PLCB1: variants seen among roughly 807,000 people sequenced by gnomAD.
The protein encoded by PLCB1 is 1-phosphatidylinositol 4,5-bisphosphate phosphodiesterase beta-1.
Under a neutral mutation model 161.8 loss-of-function variants are expected in PLCB1, and 46 were observed. That is an observed-to-expected ratio of 0.28 (90% CI 0.22 to 0.36). The LOEUF is 0.36. PLCB1 is among the 10% of genes least tolerant of loss of function. PLCB1 has a pLI of 1.00. For missense variants in PLCB1, 1,016 were observed against 1,472.5 expected, an observed-to-expected ratio of 0.69 and a Z score of 5.07; for synonymous variants, 517 against 503.7, an observed-to-expected ratio of 1.03 and a Z score of -0.35.
chr20:8,255,730 A>G (rs147236063), intron 2 of PLCB1, among the ~76,000 whole-genome samples: 1 of 152,024 alleles, frequency 6.6e-6, no homozygotes, highest in Admixed American at 6.6e-5. Context: ...GTTAAATGAC[A>G]GTTTAATTTC....
chr20:8,276,121 A>G (rs1982531918), intron 2 of PLCB1, among the ~76,000 whole-genome samples: 1 of 152,218 alleles, frequency 6.6e-6, no homozygotes, highest in Non-Finnish European at 1.5e-5. Context: ...TTTTGAAAGC[A>G]AAACTTAAAA....
intron 7 of PLCB1, among the ~76,000 whole-genome samples, chr20:8,650,522 G>A (rs923266148): frequency 6.6e-6 from 1 of 152,164 alleles, no homozygotes; most frequent in African/African-American, 2.4e-5. Flanking sequence ...GCCCTGCTCT[G>A]CGGGAACAGG....
chr20:8,810,950 A>T (rs1984787635), intron 31 of PLCB1, among the ~76,000 whole-genome samples: 1 of 152,196 alleles, frequency 6.6e-6, no homozygotes, highest in South Asian at 2.1e-4. Flanking sequence ...TCTGGCCTGG[A>T]CAACAGATTG....
intron 31 of PLCB1, among the ~76,000 whole-genome samples, chr20:8,870,804 C>G (rs1987583002): frequency 1.3e-5 from 2 of 151,756 alleles, no homozygotes; most frequent in Non-Finnish European, 2.9e-5. Flanking sequence ...TTCCAGAAGT[C>G]TGAAGATATG....
chr20:8,850,061 A>G (rs1377263970), intron 31 of PLCB1, among the ~76,000 whole-genome samples: 4 of 152,238 alleles, frequency 2.6e-5, no homozygotes, highest in Admixed American at 2.0e-4. Context: ...CATGTGCTCT[A>G]AACCACTACT....
chr20:8,132,871 C>T lies in PLCB1; in HGVS notation c.99+121C>T, dbSNP rs559408932. The T allele has an allele frequency of 3.3e-4, 228 of 693,108 alleles. 1 individual carries two copies. Among genetic ancestry groups the T allele is most frequent in the Middle Eastern group, 2.6e-3 (7 of 2,680 alleles). 42.9% of individuals were successfully genotyped at this position (693,108 alleles called of 1,614,324 possible). A position where few individuals can be genotyped will look rare whatever the true frequency, so the allele number is the denominator to read the frequency against. On this transcript the variant is annotated intron_variant, in intron 1 of 31. Transcript: ENST00000338037. The surrounding 1 kb of genome is among the most constrained non-coding windows in gnomAD (Gnocchi z 5.2). ...CGCACTGGGAGCGGGCAGGGGCAGC[C>T]TCGGGCGCACAGGTTGGCATCTGCC...
At chr20:8,297,285 A>T (rs938567655) in intron 2 of PLCB1, among the ~76,000 whole-genome samples, 3 of 152,110 alleles carry the variant, frequency 2.0e-5, no homozygotes, top group African/African-American at 7.2e-5. Context: ...GATAAGATGG[A>T]CCTAGTATGC....
chr20:8,831,572 G>C (rs373703296), intron 31 of PLCB1, among the ~76,000 whole-genome samples: 2 of 152,074 alleles, frequency 1.3e-5, no homozygotes, highest in East Asian at 3.9e-4. Context: ...TTATTTTATT[G>C]TAATGTGCCT....
intron 2 of PLCB1, among the ~76,000 whole-genome samples, chr20:8,309,885 A>C (rs1042779737): frequency 2.0e-5 from 3 of 152,216 alleles, no homozygotes; most frequent in African/African-American, 4.8e-5. Flanking sequence ...GGAGTTTGCC[A>C]GAAATAAAGC....
chr20:8,619,502 A>G (rs1988121838), intron 3 of PLCB1, among the ~76,000 whole-genome samples: 2 of 152,192 alleles, frequency 1.3e-5, no homozygotes, highest in African/African-American at 4.8e-5. Flanking sequence ...CATTCTTAAA[A>G]TAAGTAATCA....
At chr20:8,763,994 G>A (rs761298204) in intron 25 of PLCB1, among the ~76,000 whole-genome samples, 23 of 151,928 alleles carry the variant, frequency 1.5e-4, no homozygotes, top group African/African-American at 4.6e-4. Context: ...GCGAAACCCC[G>A]TCTCCATAAA....
Position 8,657,218 on chromosome 20 carries a change from A to C in PLCB1, c.629A>C (p.Glu210Ala). ...ATACCTCAAGAAGATTTCACTCCAG[A>C]AGTGTACAGAGTTTTCCTCAACAAC... ...DSIPQEDFTP[E>A]VYRVFLNNLC... The change falls in exon 8 of 32, where the codon GAA (glutamate) becomes GCA (alanine). Residue 210 changes from glutamate to alanine, a missense_variant. Physicochemically the swap from Glu to Ala is moderately radical, Grantham distance 107. Coordinates refer to ENST00000338037, the MANE Select transcript of PLCB1 (RefSeq NM_015192.4). The C allele has an allele frequency of 6.2e-7, 1 of 1,610,130 alleles. No homozygotes were observed.
chr20:8,631,694 C>T (rs1374331728), intron 4 of PLCB1, among the ~76,000 whole-genome samples: 1 of 152,144 alleles, frequency 6.6e-6, no homozygotes, highest in Non-Finnish European at 1.5e-5. Flanking sequence ...CCTTAATGGT[C>T]ATTGTGGAAA....
At chr20:8,771,919 T>A (rs1982705006) in intron 26 of PLCB1, among the ~76,000 whole-genome samples, 1 of 140,044 alleles carries the variant, frequency 7.1e-6, no homozygotes, top group Non-Finnish European at 1.6e-5. Flanking sequence ...TCTTGCTCTT[T>A]TGCTCAGGCT....
Position 8,733,259 on chromosome 20 carries a change from T to C in PLCB1, c.1910T>C (p.Met637Thr), listed in dbSNP as rs1239114279. 3 of 1,613,730 alleles carry C rather than the reference T, an allele frequency of 1.9e-6. No homozygotes were observed. The highest frequency in any genetic ancestry group is 2.5e-6 in the Non-Finnish European group (3 of 1,179,908). The change falls in exon 19 of 32, where the codon ATG becomes ACG. Residue 637 changes from methionine (M) to threonine (T), a missense_variant. Transcript: ENST00000338037. Reference protein sequence around the residue: ...QTMDLAMQINMGMYEYNGKSG... With the variant: ...QTMDLAMQINTGMYEYNGKSG... ...TCAGACCTGGCTATGCAAATAAATATGGGGATGTATGAATACAACGGGAAG... is the reference window on the plus strand; with the variant it reads ...TCAGACCTGGCTATGCAAATAAATACGGGGATGTATGAATACAACGGGAAG...
At chr20:8,321,370 A>G (rs761173215) in intron 2 of PLCB1, among the ~76,000 whole-genome samples, 2 of 152,138 alleles carry the variant, frequency 1.3e-5, no homozygotes, top group South Asian at 2.1e-4. Context: ...TGTTCTAAGC[A>G]TTTCGTTCAT....
chr20:8,876,927 C>T (rs1296507052), intron 31 of PLCB1, among the ~76,000 whole-genome samples: 2 of 152,088 alleles, frequency 1.3e-5, no homozygotes, highest in East Asian at 3.9e-4. Flanking sequence ...ACACATTCTC[C>T]TAGACAGAAC....
intron 2 of PLCB1, among the ~76,000 whole-genome samples, chr20:8,307,948 C>T (rs1480505079): frequency 6.6e-6 from 1 of 151,838 alleles, no homozygotes; most frequent in Admixed American, 6.6e-5. Context: ...ACAAACAAAA[C>T]AAAAACACCT....
intron 3 of PLCB1, among the ~76,000 whole-genome samples, chr20:8,594,871 C>G (rs1286182445): frequency 6.6e-6 from 1 of 152,126 alleles, no homozygotes; most frequent in Non-Finnish European, 1.5e-5. Flanking sequence ...AGTTCCTTAC[C>G]CAAATTAGGT....
Sources: allele counts gnomAD v4.1 joint callset (sites outside exome capture counted in the v4.1 genomes callset), GRCh38; gene constraint gnomAD v4.1.1; non-coding constraint Gnocchi (gnomAD v3.1); transcripts MANE v1.5; gene names NCBI Gene and HGNC (gene_info 2026-07-23, HGNC 2026-07-21).